Variants in ANXA4 observed in about 807,000 individuals in gnomAD.
ANXA4 encodes annexin A4.
In ANXA4, 39 loss-of-function variants were observed where a neutral mutation model predicts 49.8. The observed-to-expected ratio is 0.78, with a 90% CI of 0.61 to 1.02. The LOEUF is 1.02. Ranked by LOEUF, ANXA4 falls within the 50% of genes least tolerant of loss-of-function variation. The pLI, the probability that ANXA4 is intolerant of heterozygous loss-of-function variation, is 0.00. For synonymous variants in ANXA4, 134 were observed against 152.5 expected, an observed-to-expected ratio of 0.88 and a Z score of 0.89; for missense variants, 360 against 410.1, an observed-to-expected ratio of 0.88 and a Z score of 1.05.
At position 69,823,806 on chromosome 2, in the gene ANXA4, A is replaced by G. The variant is rs569851678; in HGVS notation, c.907-1650A>G. Among the ~76,000 whole-genome samples, 7 of 152,348 alleles carry G rather than the reference A, an allele frequency of 4.6e-5. No individual in the cohort carries two copies. In the South Asian group the frequency reaches 1.2e-3, roughly 27 times the overall value. ...ATACATCCTATGCTTTGGCACATCA[A>G]TGAGGCAAAGTATAAACAAGGATAT... On this transcript the variant is annotated intron_variant, in intron 12 of 12. Transcript: ENST00000394295.
At chr2:69,748,736 G>T (rs1298922374) in intron 1 of ANXA4, among the ~76,000 whole-genome samples, 8 of 145,830 alleles carry the variant, frequency 5.5e-5, no homozygotes, top group Non-Finnish European at 1.2e-4. Flanking sequence ...TTAATACAGG[G>T]TCTCACTCTG....
At chr2:69,723,889 G>A (rs1391469755) in intron 3 of ANXA4, among the ~76,000 whole-genome samples, 2 of 152,142 alleles carry the variant, frequency 1.3e-5, no homozygotes, top group South Asian at 4.2e-4. Context: ...TACATGAGAA[G>A]CTCCTACCCT....
rs555765737 is a variant in ANXA4 at position 69,685,977 on chromosome 2, A to G, written n.766+32695A>G. ...TGGAAGAGATGTGTGATAGCATGCC[A>G]TTATGTGGTATTTCCACCACACAGA... is the stretch of plus-strand genomic sequence containing the variant. On this transcript the variant is annotated intron_variant and non_coding_transcript_variant, in intron 2 of 3. Transcript: ENST00000418066. 4.6e-5 allele frequency among the ~76,000 whole-genome samples: 7 copies of G among 152,316 alleles called. No homozygotes were observed. The East Asian group carries it at 1.3e-3, about 29-fold the overall frequency.
chr2:69,668,104 A>G (rs1677008184), intron 2 of ANXA4, among the ~76,000 whole-genome samples: 2 of 152,180 alleles, frequency 1.3e-5, no homozygotes, highest in Non-Finnish European at 2.9e-5. Context: ...CAAGGCAAAG[A>G]GTGTGGAGCC....
At chr2:69,657,276 G>T (rs114859818) in intron 2 of ANXA4, among the ~76,000 whole-genome samples, 1 of 151,860 alleles carries the variant, frequency 6.6e-6, no homozygotes, top group African/African-American at 2.4e-5. Flanking sequence ...TTACAAGCAT[G>T]AGCCACCGTG....
chr2:69,656,411 G>GTA (rs573668663), intron 2 of ANXA4, among the ~76,000 whole-genome samples: 103 of 126,692 alleles, frequency 8.1e-4, no homozygotes, highest in Admixed American at 2.0e-3. Context: ...GTATATATAT[G>GTA]TATATATATA....
chr2:69,652,145 C>G (rs547939379), intron 1 of ANXA4, among the ~76,000 whole-genome samples: 1 of 152,064 alleles, frequency 6.6e-6, no homozygotes, highest in Non-Finnish European at 1.5e-5. Flanking sequence ...CCCAAGAAGC[C>G]GGGACTACAG....
At chr2:69,661,565 G>A (rs184209884) in intron 2 of ANXA4, among the ~76,000 whole-genome samples, 1 of 151,926 alleles carries the variant, frequency 6.6e-6, no homozygotes, top group African/African-American at 2.4e-5. Flanking sequence ...AGTAAGTCCC[G>A]ATCTCAAAAT....
chr2:69,704,121 G>A (rs937458002), intron 2 of ANXA4, among the ~76,000 whole-genome samples: 4 of 151,758 alleles, frequency 2.6e-5, no homozygotes, highest in Non-Finnish European at 5.9e-5. Context: ...ATTTTTATTG[G>A]GATCACATTG....
At chr2:69,778,344 A>G (rs935509405) in intron 1 of ANXA4, among the ~76,000 whole-genome samples, 2 of 152,254 alleles carry the variant, frequency 1.3e-5, no homozygotes, top group Non-Finnish European at 2.9e-5. Context: ...TTAGCAGCCT[A>G]TGCTGGGCCT....
chr2:69,770,929 T>TAAA (rs879329077), intron 1 of ANXA4, among the ~76,000 whole-genome samples: 4,159 of 131,652 alleles, frequency 0.032, 75 homozygotes, highest in Non-Finnish European at 0.044. Context: ...TCTAGAAAAT[T>TAAA]TAAAAAAAAA....
At chr2:69,732,165 G>A (rs1670121405) in intron 3 of ANXA4, among the ~76,000 whole-genome samples, 1 of 151,508 alleles carries the variant, frequency 6.6e-6, no homozygotes, top group African/African-American at 2.4e-5. Flanking sequence ...TTTTAGTAAA[G>A]ATGGGGTTTC....
At position 69,758,937 on chromosome 2, in the gene ANXA4, C is replaced by T. The variant is rs530336063; in HGVS notation, c.-47+16762C>T. On this transcript the variant is annotated intron_variant, in intron 1 of 12. Transcript: ENST00000394295. ...CACCTGAAGTCAGTAGTTCAAGACCCGTCTTGGCAACATGGTGAAACCCCA... is the reference window on the plus strand; with the variant it reads ...CACCTGAAGTCAGTAGTTCAAGACCTGTCTTGGCAACATGGTGAAACCCCA... Among the ~76,000 whole-genome samples the T allele has an allele frequency of 1.1e-4, 16 of 152,014 alleles. 1 individual carries two copies. The South Asian group carries it at 2.3e-3, about 22-fold the overall frequency.
intron 2 of ANXA4, among the ~76,000 whole-genome samples, chr2:69,698,806 T>C (rs1161798988): frequency 6.6e-6 from 1 of 152,198 alleles, no homozygotes; most frequent in Non-Finnish European, 1.5e-5. Flanking sequence ...AAGATGGTGA[T>C]ACAACTACTA....
intron 12 of ANXA4, 76 bp from the exon 13 acceptor site, chr2:69,825,380 A>T: frequency 8.2e-7 from 1 of 1,223,330 alleles, no homozygotes; most frequent in Non-Finnish European, 1.2e-6. Context: ...AGCTTGAAAA[A>T]GTTGGCTTAG....
At chr2:69,666,533 A>G (rs1052275688) in intron 2 of ANXA4, among the ~76,000 whole-genome samples, 4 of 152,254 alleles carry the variant, frequency 2.6e-5, no homozygotes, top group African/African-American at 9.6e-5. Context: ...AAACTTATAC[A>G]CAAATGTTCA....
intron 2 of ANXA4, among the ~76,000 whole-genome samples, chr2:69,711,483 T>G (rs1023442975): frequency 1.3e-5 from 2 of 152,178 alleles, no homozygotes; most frequent in Admixed American, 1.3e-4. Flanking sequence ...ATATGATATT[T>G]TAGAAAAGGC....
At chr2:69,804,409 T>G (rs545059647) in intron 3 of ANXA4, 124 bp from the exon 4 acceptor site, 1 of 798,974 alleles carries the variant, frequency 1.3e-6, no homozygotes, top group African/African-American at 1.7e-5. Context: ...ACCCTCTGAA[T>G]AAGGGCCTCT....
chr2:69,742,923 G>T (rs566742637), intron 1 of ANXA4, among the ~76,000 whole-genome samples: 89 of 152,266 alleles, frequency 5.8e-4, no homozygotes, highest in African/African-American at 2.0e-3. Flanking sequence ...GATAGATAAG[G>T]TGTCCCTCTC....
Sources: allele counts gnomAD v4.1 joint callset (sites outside exome capture counted in the v4.1 genomes callset), GRCh38; gene constraint gnomAD v4.1.1; transcripts MANE v1.5; gene names NCBI Gene and HGNC (gene_info 2026-07-23, HGNC 2026-07-21).